The following ZNF69 variants were observed in gnomAD, a reference collection of about 807,000 sequenced individuals.
ZNF69 encodes the protein zinc finger protein 69.
Under a neutral mutation model 50.9 loss-of-function variants are expected in ZNF69, and 47 were observed. That is an observed-to-expected ratio of 0.92 (90% CI 0.73 to 1.18). The LOEUF (loss-of-function observed/expected upper bound fraction) is 1.18. Among genes scored for constraint, ZNF69 ranks in the 50% most tolerant of loss-of-function variants. The probability of loss-of-function intolerance (pLI) is 0.00; values close to 1 mark genes in which losing one functional copy is unlikely to be tolerated. For missense variants in ZNF69, 717 were observed against 675.1 expected (o/e 1.06, Z -0.69); for synonymous variants, 216 against 223.1 (o/e 0.97, Z 0.29).
At chr19:11,943,856 G>A in the ZNF69 span, among the ~76,000 whole-genome samples, 4 of 152,160 alleles carry the variant, frequency 2.6e-5, no homozygotes, top group African/African-American at 7.2e-5. Flanking sequence ...TGCTTTGGCC[G>A]CACATAGACC....
At chr19:11,928,064 T>C in the ZNF69 span, among the ~76,000 whole-genome samples, 3 of 152,200 alleles carry the variant, frequency 2.0e-5, no homozygotes, top group Admixed American at 6.5e-5. Context: ...GGTGCGATGA[T>C]GGCTTACTGC....
chr19:11,961,170 A>G, the ZNF69 span, among the ~76,000 whole-genome samples: 1 of 152,200 alleles, frequency 6.6e-6, no homozygotes, highest in Non-Finnish European at 1.5e-5. Flanking sequence ...TTTGGACACG[A>G]CGAACCTTTT....
At chr19:11,888,115 G>T (rs1426785570) in intron 1 of ZNF69, 129 bp downstream of exon 1, 12 of 794,644 alleles carry the variant, frequency 1.5e-5, no homozygotes, top group Non-Finnish European at 2.2e-5. Flanking sequence ...TCCTGGAGCC[G>T]CTCGGCCCTC....
At chr19:11,911,639 A>G (rs1028169094), downstream of ZNF69, among the ~76,000 whole-genome samples, 2 of 152,160 alleles carry the variant, frequency 1.3e-5, no homozygotes, top group Non-Finnish European at 2.9e-5. Context: ...ACTTGGACAC[A>G]GGGAGGGAAA....
the ZNF69 span, chr19:11,977,480 A>G: frequency 6.1e-5 from 97 of 1,591,864 alleles, 1 homozygote; most frequent in Admixed American, 1.6e-3. Context: ...ATTTTAGTAT[A>G]TGATAATATG....
chr19:11,978,837 A>G, the ZNF69 span: 1 of 1,614,218 alleles, frequency 6.2e-7, no homozygotes, highest in Non-Finnish European at 8.5e-7. Flanking sequence ...ACATGAAAGA[A>G]CTCACACTGG....
downstream of ZNF69, among the ~76,000 whole-genome samples, chr19:11,907,739 T>C (rs527959615): frequency 2.0e-3 from 311 of 152,220 alleles, 1 homozygote; most frequent in African/African-American, 6.5e-3. Flanking sequence ...TAAAGACCAT[T>C]GAGGCTAGGA....
chr19:11,906,209 T>G lies in ZNF69; in HGVS notation c.*111T>G. ...AAACCCTTCAGGTCTGCCCAGAACC[T>G]TCGAATTCAGTAAAGGACACAAGCA... On this transcript the variant is annotated 3_prime_UTR_variant, in exon 4 of 4. Coordinates refer to ENST00000429654, the MANE Select transcript of ZNF69 (RefSeq NM_001364730.1). 2 of 1,532,766 alleles carry G rather than the reference T, an allele frequency of 1.3e-6. No individual in the cohort carries two copies. Among genetic ancestry groups the G allele is most frequent in the Non-Finnish European group, 1.7e-6 (2 of 1,147,832 alleles). The allele number at this position is 1,532,766 out of a possible 1,614,324, so 94.9% of individuals were successfully genotyped here.
At chr19:11,919,603 T>C in the ZNF69 span, among the ~76,000 whole-genome samples, 1 of 152,068 alleles carries the variant, frequency 6.6e-6, no homozygotes, top group Non-Finnish European at 1.5e-5. Context: ...AAAACAAAAC[T>C]TATACTTGCA....
Position 11,906,164 on chromosome 19 carries a change from A to G in ZNF69, c.*66A>G. ...GTAGGACACACAATCAAGAGAAACC[A>G]TGAATGTAAAGAATGTGGGAAACCC... On this transcript the variant is annotated 3_prime_UTR_variant, in exon 4 of 4. Transcript: ENST00000429654. 3.2e-6 allele frequency: 5 copies of G among 1,571,610 alleles called. No homozygotes were observed. The highest frequency in any genetic ancestry group is 2.0e-5 in the Admixed American group (1 of 48,826).
intron 1 of ZNF69, among the ~76,000 whole-genome samples, chr19:11,896,678 T>C (rs567962705): frequency 2.0e-4 from 31 of 152,340 alleles, no homozygotes; most frequent in African/African-American, 7.0e-4. Context: ...CTTCTAATAC[T>C]ATATTGGGGG....
chr19:11,925,373 C>T, the ZNF69 span: 9 of 1,551,096 alleles, frequency 5.8e-6, no homozygotes, highest in South Asian at 2.2e-5. Context: ...TGGGCGACTC[C>T]GGGGTCTGGG....
intron 1 of ZNF69, among the ~76,000 whole-genome samples, chr19:11,899,695 A>G (rs962409950): frequency 6.6e-6 from 1 of 152,148 alleles, no homozygotes; most frequent in African/African-American, 2.4e-5. Flanking sequence ...TAAGGCTGCT[A>G]AAAACATTTG....
At chr19:11,977,210 G>A in the ZNF69 span, 13 of 1,610,672 alleles carry the variant, frequency 8.1e-6, no homozygotes, top group Non-Finnish European at 8.5e-6. Context: ...GTGAACCAGT[G>A]TTTCTAGCTC....
At chr19:11,911,170 AC>A (rs1972452238), downstream of ZNF69, among the ~76,000 whole-genome samples, 3 of 152,284 alleles carry the variant, frequency 2.0e-5, no homozygotes, top group South Asian at 6.2e-4. Context: ...AAGTCAGGAA[AC>A]AACAGGTGCT....
At chr19:11,949,247 A>C in the ZNF69 span, 1 of 1,614,158 alleles carries the variant, frequency 6.2e-7, no homozygotes, top group Non-Finnish European at 8.5e-7. Context: ...TTTCGATATC[A>C]TGAAAGGATT....
chr19:11,977,895 T>C, the ZNF69 span, among the ~76,000 whole-genome samples: 1 of 152,140 alleles, frequency 6.6e-6, no homozygotes, highest in Non-Finnish European at 1.5e-5. Flanking sequence ...ACTTGTAAAA[T>C]AGTTTACATG....
intron 1 of ZNF69, among the ~76,000 whole-genome samples, chr19:11,893,707 C>T (rs1206392199): frequency 1.3e-5 from 2 of 152,118 alleles, no homozygotes; most frequent in Admixed American, 6.5e-5. Context: ...CGGAGGGTCT[C>T]ATGGGTATTA....
At chr19:11,922,934 T>A in the ZNF69 span, among the ~76,000 whole-genome samples, 1 of 151,814 alleles carries the variant, frequency 6.6e-6, no homozygotes, top group Non-Finnish European at 1.5e-5. Context: ...TGCCTCAGCC[T>A]CCTGAGTAGC....
Sources: allele counts gnomAD v4.1 joint callset (sites outside exome capture counted in the v4.1 genomes callset), GRCh38; gene constraint gnomAD v4.1.1; transcripts MANE v1.5; gene names NCBI Gene and HGNC (gene_info 2026-07-23, HGNC 2026-07-21).